OLFM2: variants seen among roughly 807,000 people sequenced by gnomAD.
The protein encoded by OLFM2 is noelin-2.
A neutral mutation model predicts 43.9 loss-of-function variants in OLFM2; 20 were observed. That is an observed-to-expected ratio of 0.46 (90% CI 0.32 to 0.66). The LOEUF (loss-of-function observed/expected upper bound fraction) is 0.66. OLFM2 is among the 30% of genes least tolerant of loss of function. The probability of loss-of-function intolerance (pLI) is 0.04; values close to 1 mark genes in which losing one functional copy is unlikely to be tolerated. For missense variants in OLFM2, 416 were observed against 643.6 expected, an observed-to-expected ratio of 0.65 and a Z score of 3.83; for synonymous variants, 268 against 278.6, an observed-to-expected ratio of 0.96 and a Z score of 0.38.
chr19:9,913,958 C>CCCACG, intron 1 of OLFM2: 1 of 148,648 alleles, frequency 6.7e-6, no homozygotes, highest in African/African-American at 2.4e-5. Context: ...CACCCCCCAC[C>CCCACG]CCACGCCCTC....
intron 1 of OLFM2, among the ~76,000 whole-genome samples, chr19:9,863,062 C>A (rs574717255): frequency 6.6e-6 from 1 of 150,688 alleles, no homozygotes; most frequent in Non-Finnish European, 1.5e-5. Context: ...ACGTAGGCGT[C>A]GTTTGTTCAA....
chr19:9,923,601 AAAGGAAAG>A (rs949091049), intron 1 of OLFM2, among the ~76,000 whole-genome samples: 2 of 150,410 alleles, frequency 1.3e-5, no homozygotes, highest in African/African-American at 4.9e-5. Flanking sequence ...AGAAGGAAAG[AAAGGAAAG>A]AAGGAAAGAG....
In OLFM2 at chr19:9,854,209, T is replaced by C. The variant is rs2046294583; in HGVS notation, c.1342A>G (p.Ile448Val). Residue 448 changes from isoleucine to valine, a missense_variant, in exon 6 of 6, where the codon ATC becomes GTC. Physicochemically the swap from Ile to Val is conservative, Grantham distance 29 (BLOSUM62 3). Transcript: ENST00000264833. This position sits in a 1 kb window ranked among gnomAD's most constrained non-coding sequence, Gnocchi z 9.5. Reference protein sequence around the residue: ...VLYNVTLFHVISTSGDP With the variant: ...VLYNVTLFHVVSTSGDP ...GCTCAGGGGTCCCCAGAGGTGCTGATGACGTGAAACAGGGTGACATTGTAG... is the reference window on the plus strand; with the variant it reads ...GCTCAGGGGTCCCCAGAGGTGCTGACGACGTGAAACAGGGTGACATTGTAG... 2 of 1,614,010 alleles carry C rather than the reference T, an allele frequency of 1.2e-6. No homozygotes were observed. The highest frequency in any genetic ancestry group is 8.5e-7 in the Non-Finnish European group (1 of 1,180,000).
intron 1 of OLFM2, among the ~76,000 whole-genome samples, chr19:9,891,902 A>G (rs1006394510): frequency 1.3e-5 from 2 of 152,222 alleles, no homozygotes; most frequent in Non-Finnish European, 2.9e-5. Context: ...TATGTGTGTG[A>G]GCATCAGCAA....
chr19:9,897,994 C>T (rs924676121), intron 1 of OLFM2, among the ~76,000 whole-genome samples: 7 of 151,732 alleles, frequency 4.6e-5, no homozygotes, highest in African/African-American at 1.7e-4. Context: ...CCTCGACCTC[C>T]TGGGCTCAAG....
At chr19:9,934,231 CGA>C (rs993492171) in intron 1 of OLFM2, among the ~76,000 whole-genome samples, 55 of 152,238 alleles carry the variant, frequency 3.6e-4, no homozygotes, top group African/African-American at 1.3e-3. Context: ...TATGGGGCGC[CGA>C]GACTGTTTCA....
chr19:9,936,166 C>T lies in OLFM2; in HGVS notation c.63+138G>A, dbSNP rs2086513553. 6.6e-6 allele frequency: 6 copies of T among 913,788 alleles called. No homozygotes were observed. In the East Asian group the frequency reaches 1.3e-4, roughly 20 times the overall value. 56.6% of individuals were successfully genotyped at this position (913,788 alleles called of 1,614,324 possible). The stretch of plus-strand genomic sequence containing the variant: ...AGAGTGCACGTCCCGGCCCCTCCCC[C>T]GCTGCGACCCCCGCCCCTCGCCGCC... On this transcript the variant is annotated intron_variant, in intron 1 of 5. Coordinates refer to ENST00000264833, the MANE Select transcript of OLFM2 (RefSeq NM_058164.4).
At chr19:9,922,089 G>A (rs1165647349) in intron 1 of OLFM2, among the ~76,000 whole-genome samples, 1 of 144,658 alleles carries the variant, frequency 6.9e-6, no homozygotes, top group Non-Finnish European at 1.5e-5. Flanking sequence ...GTGAGACCCT[G>A]TCTCAAAAAA....
chr19:9,856,876 G>A lies in OLFM2; in HGVS notation c.618C>T (p.Thr206=), dbSNP rs777109230. 41 of 1,613,056 alleles carry A rather than the reference G, an allele frequency of 2.5e-5. No individual in the cohort carries two copies. In the East Asian group the frequency reaches 5.4e-4, roughly 21 times the overall value. ...CGAAGCGGGACCCCATGGCCCGAAC[G>A]GTGATGGGGTTACTGACCCCGGTCA... ...GKLTGVSNPI[T]VRAMGSRFGS... is the part of the protein sequence containing the mutation. The change falls in exon 5 of 6, where the codon ACC becomes ACT. Residue 206 remains threonine (T), a synonymous_variant. Coordinates refer to ENST00000264833, the MANE Select transcript of OLFM2 (RefSeq NM_058164.4). The surrounding 1 kb of genome is among the most constrained non-coding windows in gnomAD (Gnocchi z 4.0).
chr19:9,894,413 A>AAT (rs34172574), intron 1 of OLFM2, among the ~76,000 whole-genome samples: 14,606 of 103,152 alleles, frequency 0.14, 973 homozygotes, highest in African/African-American at 0.25. Flanking sequence ...TAATAATAAT[A>AAT]AATAAATAAA....
chr19:9,879,922 G>A (rs1392480584), intron 1 of OLFM2, among the ~76,000 whole-genome samples: 2 of 151,942 alleles, frequency 1.3e-5, no homozygotes, highest in South Asian at 2.1e-4. Context: ...GACTACAGGT[G>A]CACACCACCA....
intron 1 of OLFM2, among the ~76,000 whole-genome samples, chr19:9,861,712 T>C (rs1444081589): frequency 6.6e-6 from 1 of 152,198 alleles, no homozygotes; most frequent in Admixed American, 6.5e-5. Flanking sequence ...ATCAGAGGCT[T>C]AGAAATGCAA....
intron 1 of OLFM2, among the ~76,000 whole-genome samples, chr19:9,875,874 G>A (rs1295959763): frequency 7.2e-5 from 11 of 152,028 alleles, no homozygotes; most frequent in Non-Finnish European, 1.3e-4. Flanking sequence ...CCAAAAGCCT[G>A]CCTTGGGTAC....
At chr19:9,907,286 C>G (rs976077829) in intron 1 of OLFM2, among the ~76,000 whole-genome samples, 1 of 152,076 alleles carries the variant, frequency 6.6e-6, no homozygotes, top group South Asian at 2.1e-4. Flanking sequence ...GAAACCCCAT[C>G]TCTACTAAAA....
intron 1 of OLFM2, among the ~76,000 whole-genome samples, chr19:9,864,602 A>T (rs902141457): frequency 2.0e-5 from 3 of 151,262 alleles, no homozygotes; most frequent in African/African-American, 4.9e-5. Context: ...CGCCTGGCAC[A>T]TTTATTTATT....
At chr19:9,869,264 G>T (rs912904339) in intron 1 of OLFM2, among the ~76,000 whole-genome samples, 3 of 152,122 alleles carry the variant, frequency 2.0e-5, no homozygotes, top group Non-Finnish European at 2.9e-5. Flanking sequence ...AGGATTCCAC[G>T]TGATGTCACC....
intron 1 of OLFM2, among the ~76,000 whole-genome samples, chr19:9,894,220 G>A (rs1004035820): frequency 4.0e-5 from 6 of 151,704 alleles, no homozygotes; most frequent in African/African-American, 1.5e-4. Flanking sequence ...TTGAACCCGG[G>A]AAGGGGAGGT....
intron 1 of OLFM2, among the ~76,000 whole-genome samples, chr19:9,895,561 G>A (rs1233837855): frequency 6.6e-6 from 1 of 151,846 alleles, no homozygotes; most frequent in East Asian, 1.9e-4. Flanking sequence ...AAGTCTATTC[G>A]GTCTACCTCA....
At chr19:9,915,091 T>G (rs950067211) in intron 1 of OLFM2, among the ~76,000 whole-genome samples, 11 of 152,042 alleles carry the variant, frequency 7.2e-5, no homozygotes, top group Admixed American at 2.0e-4. Flanking sequence ...ATCTGCAAAG[T>G]GGGTGGTGGA....
Sources: gnomAD v4.1 joint callset for allele counts (sites outside exome capture counted in the v4.1 genomes callset) on GRCh38, gnomAD v4.1.1 for gene constraint, Gnocchi (gnomAD v3.1) non-coding constraint, MANE v1.5 for transcripts, NCBI Gene and HGNC (gene_info 2026-07-23, HGNC 2026-07-21) for gene names.